CHORDC1: variants seen among roughly 807,000 people sequenced by gnomAD.
The protein encoded by CHORDC1 is cysteine and histidine-rich domain-containing protein 1.
In CHORDC1, 25 loss-of-function variants were observed where a neutral mutation model predicts 48.3. That is an observed-to-expected ratio of 0.52 (90% CI 0.38 to 0.72). CHORDC1 has a LOEUF of 0.72. CHORDC1 is among the 30% of genes least tolerant of loss of function. CHORDC1 has a pLI of 0.00. For synonymous variants in CHORDC1, 128 were observed against 126.4 expected (o/e 1.01, Z -0.09); for missense variants, 317 against 388.7 (o/e 0.82, Z 1.55).
chr11:90,222,764 A>T (rs1300129202), intron 1 of CHORDC1, 127 bp downstream of exon 1: 1 of 864,920 alleles, frequency 1.2e-6, no homozygotes, highest in Non-Finnish European at 1.9e-6. Flanking sequence ...AGGGAGGCCC[A>T]GGAGGGGCAT....
Position 90,201,442 on chromosome 11 carries a change from A to C in CHORDC1, c.*963T>G, listed in dbSNP as rs546597041. The C allele has an allele frequency of 3.3e-5, 5 of 151,962 alleles. No individual in the cohort carries two copies. The highest frequency in any genetic ancestry group is 1.9e-4 in the East Asian group (1 of 5,190). 9.4% of individuals were successfully genotyped at this position (151,962 alleles called of 1,614,324 possible). On this transcript the variant is annotated 3_prime_UTR_variant, in exon 11 of 11. Coordinates refer to ENST00000320585, the MANE Select transcript of CHORDC1 (RefSeq NM_012124.3). ...AAGCTCTTCATGACTTTAAAAAAAAACTCCAAAACAATTAAGCTATTTTTA... is the reference window on the plus strand; with the variant it reads ...AAGCTCTTCATGACTTTAAAAAAAACCTCCAAAACAATTAAGCTATTTTTA...
rs749293413 is a variant in CHORDC1 at position 90,214,226 on chromosome 11, T to C, written c.172-51A>G. On this transcript the variant is annotated intron_variant, in intron 3 of 10. Transcript: ENST00000320585. ...GAGCTATCTATTTTACATTTCATGA[T>C]AGAAATATTATCTTTTCAGTTCTTT... 11 of 1,316,934 alleles carry C rather than the reference T, an allele frequency of 8.4e-6. No homozygotes were observed. In the South Asian group the frequency reaches 1.3e-4, roughly 16 times the overall value. 81.6% of individuals were successfully genotyped at this position (1,316,934 alleles called of 1,614,324 possible).
intron 6 of CHORDC1, chr11:90,209,049 CA>C (rs1401206820): frequency 5.3e-5 from 8 of 152,264 alleles, no homozygotes; most frequent in Admixed American, 4.6e-4. Context: ...ATTCACTTTT[CA>C]AAACACATCT....
intron 8 of CHORDC1, among the ~76,000 whole-genome samples, chr11:90,203,819 A>G (rs969146024): frequency 5.3e-5 from 8 of 152,178 alleles, no homozygotes; most frequent in African/African-American, 1.9e-4. Flanking sequence ...ACTGGGATAA[A>G]TCAGACAACA....
At chr11:90,219,870 A>C (rs528002126) in intron 1 of CHORDC1, among the ~76,000 whole-genome samples, 2 of 152,306 alleles carry the variant, frequency 1.3e-5, no homozygotes, top group African/African-American at 4.8e-5. Flanking sequence ...AAATCAGGTA[A>C]CAGTCAGCTT....
At chr11:90,208,312 C>G (rs948757317) in intron 6 of CHORDC1, 14 of 152,190 alleles carry the variant, frequency 9.2e-5, no homozygotes, top group African/African-American at 3.4e-4. Context: ...CACCTGTAAA[C>G]CCAGCTACTC....
chr11:90,213,311 T>A, intron 4 of CHORDC1: 1 of 630,408 alleles, frequency 1.6e-6, no homozygotes, highest in Non-Finnish European at 2.8e-6. Flanking sequence ...GAATAAAAAT[T>A]ACAATAAGTG....
In CHORDC1 at chr11:90,202,045, A is replaced by C. The variant is rs1168815229; in HGVS notation, c.*360T>G. On this transcript the variant is annotated 3_prime_UTR_variant, in exon 11 of 11. Transcript: ENST00000320585. Reference sequence around the variant, plus strand: ...ATTTGACATTTCATCTTGCTTTACTAATTATGGAATAATACAAAAACATAA... The same window carrying C: ...ATTTGACATTTCATCTTGCTTTACTCATTATGGAATAATACAAAAACATAA... The C allele has an allele frequency of 3.7e-5, 6 of 161,442 alleles. No homozygotes were observed. The highest frequency in any genetic ancestry group is 8.1e-5 in the Non-Finnish European group (6 of 74,410). 10.0% of individuals were successfully genotyped at this position (161,442 alleles called of 1,614,324 possible).
At position 90,203,459 on chromosome 11, in the gene CHORDC1, A is replaced by G. The variant is rs115684785; in HGVS notation, c.670-32T>C. On this transcript the variant is annotated intron_variant, in intron 8 of 10. Coordinates refer to ENST00000320585, the MANE Select transcript of CHORDC1 (RefSeq NM_012124.3). ...TGTAAGAGAAACTCTGTAAGTTAAAAAAGTGCCACATAATTAATTTCTTAA... is the reference window on the plus strand; with the variant it reads ...TGTAAGAGAAACTCTGTAAGTTAAAGAAGTGCCACATAATTAATTTCTTAA... The G allele has an allele frequency of 1.1e-3, 1,653 of 1,496,652 alleles. 27 individuals are homozygous for G. In the African/African-American group the frequency reaches 0.02, roughly 18 times the overall value. The allele number at this position is 1,496,652 out of a possible 1,614,324, so 92.7% of individuals were successfully genotyped here.
chr11:90,203,429 T>G lies in CHORDC1; in HGVS notation c.670-2A>C. On this transcript the variant is annotated splice_acceptor_variant, in intron 8 of 10. Coordinates refer to ENST00000320585, the MANE Select transcript of CHORDC1 (RefSeq NM_012124.3). LOFTEE classifies it high-confidence loss of function. Reference sequence around the variant, plus strand: ...TCTACATGGAACAACTTTTTTCCCCTGTAATGTAAGAGAAACTCTGTAAGT... The same window carrying G: ...TCTACATGGAACAACTTTTTTCCCCGGTAATGTAAGAGAAACTCTGTAAGT... 6.5e-7 allele frequency: 1 copy of G among 1,542,722 alleles called. No individual in the cohort carries two copies. Among genetic ancestry groups the G allele is most frequent in the Non-Finnish European group, 8.8e-7 (1 of 1,130,074 alleles).
rs1018727591 is a variant in CHORDC1 at position 90,215,291 on chromosome 11, A to G, written c.115-61T>C. 5 of 1,125,708 alleles carry G rather than the reference A, an allele frequency of 4.4e-6. No homozygotes were observed. In the African/African-American group the frequency reaches 7.9e-5, roughly 18 times the overall value. The allele number at this position is 1,125,708 out of a possible 1,614,324, so 69.7% of individuals were successfully genotyped here. On this transcript the variant is annotated intron_variant, in intron 2 of 10. Coordinates refer to ENST00000320585, the MANE Select transcript of CHORDC1 (RefSeq NM_012124.3). ...TTTGCATGAGAAACACGACCCACTA[A>G]AACACTCTACTTGCACTTATCTACT... is the stretch of plus-strand genomic sequence containing the variant.
At chr11:90,213,712 T>A (rs1342007608) in intron 4 of CHORDC1, 1 of 457,514 alleles carries the variant, frequency 2.2e-6, no homozygotes, top group Non-Finnish European at 3.8e-6. Flanking sequence ...AATTTTACCA[T>A]GCCACAGTGA....
intron 8 of CHORDC1, 96 bp from the exon 9 acceptor site, chr11:90,203,523 CACA>C (rs1391440953): frequency 2.6e-6 from 3 of 1,175,878 alleles, no homozygotes; most frequent in Non-Finnish European, 3.5e-6. Flanking sequence ...AACTACCATG[CACA>C]ACAACTAAGC....
In CHORDC1 at chr11:90,222,970, T is replaced by C. The variant is rs1161135832; in HGVS notation, c.-16A>G. On this transcript the variant is annotated 5_prime_UTR_variant, in exon 1 of 11. Transcript: ENST00000320585. ...GCAAGGCCATTTTCTTTTCCCACCG[T>C]CACAGGCAAGGCCCAAACACCGGGA... is the stretch of plus-strand genomic sequence containing the variant. 1 of 1,611,482 alleles carries C rather than the reference T, an allele frequency of 6.2e-7. No individual in the cohort carries two copies. The highest frequency in any genetic ancestry group is 2.2e-5 in the East Asian group (1 of 44,854).
rs761836721 is a variant in CHORDC1, at chr11:90,222,853, G to T, written c.64+38C>A. The T allele has an allele frequency of 1.8e-5, 29 of 1,580,226 alleles. No individual in the cohort carries two copies. In the Middle Eastern group the frequency reaches 8.5e-4, roughly 46 times the overall value. On this transcript the variant is annotated intron_variant, in intron 1 of 10. Coordinates refer to ENST00000320585, the MANE Select transcript of CHORDC1 (RefSeq NM_012124.3). ...CCAAAGGGCCTCCCCTGCTGATGAG[G>T]TGGAGGGGAGGGAGGGCTGGCGGCG... is the stretch of plus-strand genomic sequence containing the variant.
intron 9 of CHORDC1, 145 bp downstream of exon 9, chr11:90,203,163 G>C: frequency 1.2e-6 from 1 of 814,584 alleles, no homozygotes; most frequent in Non-Finnish European, 1.8e-6. Context: ...TAGTTTCATA[G>C]AAGTAATTTA....
intron 6 of CHORDC1, chr11:90,209,132 T>C (rs868658817): frequency 1.3e-5 from 2 of 152,170 alleles, no homozygotes; most frequent in African/African-American, 4.8e-5. Flanking sequence ...TAATTACTAA[T>C]TCCCTTTTAT....
chr11:90,213,945 T>C, intron 4 of CHORDC1, 73 bp downstream of exon 4: 1 of 1,279,890 alleles, frequency 7.8e-7, no homozygotes, highest in Non-Finnish European at 1.1e-6. Context: ...TCATGCTAAA[T>C]CATAAAGGAA....
In CHORDC1 at chr11:90,202,350, T is replaced by C; in HGVS notation, c.*55A>G. On this transcript the variant is annotated 3_prime_UTR_variant, in exon 11 of 11. Coordinates refer to ENST00000320585, the MANE Select transcript of CHORDC1 (RefSeq NM_012124.3). ...AAGATTACAGCAGCAAGCCACCACT[T>C]CACACAGTATTAAAAATTCGGAAAT... The C allele has an allele frequency of 6.5e-7, 1 of 1,527,486 alleles. No homozygotes were observed. Among genetic ancestry groups the C allele is most frequent in the Non-Finnish European group, 9.0e-7 (1 of 1,107,456 alleles). The allele number at this position is 1,527,486 out of a possible 1,614,324, so 94.6% of individuals were successfully genotyped here.
Sources: allele counts gnomAD v4.1 joint callset (sites outside exome capture counted in the v4.1 genomes callset), GRCh38; gene constraint gnomAD v4.1.1; transcripts MANE v1.5; gene names NCBI Gene and HGNC (gene_info 2026-07-23, HGNC 2026-07-21).